LMBR1: variants seen among roughly 807,000 people sequenced by gnomAD.
LMBR1 encodes limb region 1 protein homolog.
LMBR1 carries 52 observed loss-of-function variants against 73.9 expected under a neutral mutation model. The ratio of observed to expected loss-of-function variants is 0.70; its 90% CI spans 0.56 to 0.89. The LOEUF (loss-of-function observed/expected upper bound fraction) is 0.89. Ranked by LOEUF, LMBR1 falls within the 40% of genes least tolerant of loss-of-function variation. The pLI is 0.00. For missense variants in LMBR1, 539 were observed against 579.8 expected, an observed-to-expected ratio of 0.93 and a Z score of 0.72; for synonymous variants, 215 against 209.4, an observed-to-expected ratio of 1.03 and a Z score of -0.23.
intron 1 of LMBR1, among the ~76,000 whole-genome samples, chr7:156,849,321 A>G (rs756288153): frequency 8.3e-4 from 127 of 152,286 alleles, no homozygotes; most frequent in Admixed American, 1.7e-3. Context: ...CTGAGAACAC[A>G]TGGACATAGG....
intron 8 of LMBR1, among the ~76,000 whole-genome samples, chr7:156,761,050 T>A (rs780640678): frequency 2.6e-5 from 4 of 152,208 alleles, no homozygotes; most frequent in Non-Finnish European, 5.9e-5. Context: ...CTGGAGCAGG[T>A]AAGAGGCCTT....
intron 8 of LMBR1, among the ~76,000 whole-genome samples, chr7:156,757,058 C>T (rs1160884521): frequency 6.6e-6 from 1 of 152,106 alleles, no homozygotes; most frequent in African/African-American, 2.4e-5. Context: ...TCAGGTGATC[C>T]GCCTGCCTCA....
At chr7:156,881,947 C>T (rs190239743) in intron 1 of LMBR1, among the ~76,000 whole-genome samples, 11 of 152,264 alleles carry the variant, frequency 7.2e-5, no homozygotes, top group African/African-American at 2.2e-4. Flanking sequence ...ACAAAACTAC[C>T]GTATGATTCA....
intron 1 of LMBR1, among the ~76,000 whole-genome samples, chr7:156,868,520 G>A (rs1340007608): frequency 6.6e-6 from 1 of 151,762 alleles, no homozygotes; most frequent in East Asian, 1.9e-4. Context: ...CTAAAAATAC[G>A]AAAATTAGTC....
chr7:156,739,163 TTAAG>T (rs1818436217), intron 9 of LMBR1, among the ~76,000 whole-genome samples: 1 of 152,062 alleles, frequency 6.6e-6, no homozygotes, highest in African/African-American at 2.4e-5. Flanking sequence ...CCTCTGGACA[TTAAG>T]TGACCACTGG....
At chr7:156,871,403 A>C (rs1039931234) in intron 1 of LMBR1, among the ~76,000 whole-genome samples, 2 of 152,242 alleles carry the variant, frequency 1.3e-5, no homozygotes, top group African/African-American at 2.4e-5. Flanking sequence ...AAACTCCTTC[A>C]AAAAACTGAG....
At chr7:156,773,844 C>A (rs1341926107) in intron 5 of LMBR1, among the ~76,000 whole-genome samples, 1 of 151,866 alleles carries the variant, frequency 6.6e-6, no homozygotes, top group Non-Finnish European at 1.5e-5. Flanking sequence ...AAACAAAAAT[C>A]GACAAATGGG....
chr7:156,845,514 G>C (rs571157488), intron 1 of LMBR1, among the ~76,000 whole-genome samples: 1 of 152,116 alleles, frequency 6.6e-6, no homozygotes, highest in East Asian at 1.9e-4. Context: ...ATCAATAATA[G>C]TAAACGGGAA....
chr7:156,766,392 C>G (rs6959739), intron 5 of LMBR1, among the ~76,000 whole-genome samples: 34,505 of 151,924 alleles, frequency 0.23, 4,825 homozygotes, highest in African/African-American at 0.4. Context: ...GGTTCAAGGG[C>G]AACTGGCACC....
chr7:156,707,555 AT>A (rs1811225303), intron 15 of LMBR1, among the ~76,000 whole-genome samples: 1 of 152,208 alleles, frequency 6.6e-6, no homozygotes, highest in Non-Finnish European at 1.5e-5. Flanking sequence ...GAGTGTAAGG[AT>A]GGTTCAACAT....
In LMBR1 at chr7:156,719,381, T is replaced by C. The variant is rs574873048; in HGVS notation, c.1225+4731A>G. 5.3e-5 allele frequency among the ~76,000 whole-genome samples: 8 copies of C among 152,264 alleles called. No individual in the cohort carries two copies. In the South Asian group the frequency reaches 1.5e-3, roughly 28 times the overall value. ...CACATTTTCTTAATCCAGTCTATCA[T>C]TGTTGGACATTTGGATTGGTTCCAA... On this transcript the variant is annotated intron_variant, in intron 15 of 16. Transcript: ENST00000353442.
intron 4 of LMBR1, among the ~76,000 whole-genome samples, chr7:156,806,649 G>A (rs1480076717): frequency 8.7e-6 from 1 of 115,530 alleles, no homozygotes; most frequent in Non-Finnish European, 1.6e-5. Flanking sequence ...TCACTCTGTC[G>A]CCCAGGCTGG....
At chr7:156,732,962 G>A (rs757473223) in intron 10 of LMBR1, among the ~76,000 whole-genome samples, 4 of 152,102 alleles carry the variant, frequency 2.6e-5, no homozygotes, top group Non-Finnish European at 5.9e-5. Flanking sequence ...TGGCCAACAT[G>A]GCAAAACCCC....
At position 156,677,896 on chromosome 7, in the gene LMBR1, A is replaced by C. The variant is rs1414009071; in HGVS notation, c.*6182T>G. ...TAAGAGAGCAGAGGGAAACTGAATC[A>C]CAGAACCTCAATTTTCTGTAAGCTG... On this transcript the variant is annotated 3_prime_UTR_variant, in exon 17 of 17. Transcript: ENST00000353442. 6.6e-6 allele frequency: 1 copy of C among 152,270 alleles called. No individual in the cohort carries two copies. The highest frequency in any genetic ancestry group is 1.5e-5 in the Non-Finnish European group (1 of 68,054). The allele number at this position is 152,270 out of a possible 1,614,324, so 9.4% of individuals were successfully genotyped here. A position where few individuals can be genotyped will look rare whatever the true frequency, so the allele number is the denominator to read the frequency against.
At chr7:156,855,027 C>T (rs1303899242) in intron 1 of LMBR1, among the ~76,000 whole-genome samples, 2 of 152,116 alleles carry the variant, frequency 1.3e-5, no homozygotes, top group Non-Finnish European at 2.9e-5. Context: ...TCCGGCTTCC[C>T]ACAAAATACG....
At chr7:156,753,054 T>C (rs1369390100) in intron 9 of LMBR1, among the ~76,000 whole-genome samples, 1 of 151,846 alleles carries the variant, frequency 6.6e-6, no homozygotes, top group Non-Finnish European at 1.5e-5. Flanking sequence ...CTAGAAGAAG[T>C]GAACTGGAAA....
intron 1 of LMBR1, among the ~76,000 whole-genome samples, chr7:156,867,808 T>C (rs1477930171): frequency 1.3e-5 from 2 of 152,120 alleles, no homozygotes; most frequent in African/African-American, 2.4e-5. Context: ...CTACTGAACA[T>C]AGGGTTTGTC....
chr7:156,712,271 T>C (rs909645733), intron 15 of LMBR1, among the ~76,000 whole-genome samples: 3 of 152,070 alleles, frequency 2.0e-5, no homozygotes, highest in African/African-American at 7.2e-5. Flanking sequence ...ATGCTCCACA[T>C]CACTAATCAG....
At chr7:156,783,582 A>G (rs1827528087) in intron 5 of LMBR1, among the ~76,000 whole-genome samples, 1 of 152,262 alleles carries the variant, frequency 6.6e-6, no homozygotes, top group Admixed American at 6.5e-5. Flanking sequence ...TCTTGCTATT[A>G]TAATTGATTT....
Sources: allele counts gnomAD v4.1 joint callset (sites outside exome capture counted in the v4.1 genomes callset), GRCh38; gene constraint gnomAD v4.1.1; transcripts MANE v1.5; gene names NCBI Gene and HGNC (gene_info 2026-07-23, HGNC 2026-07-21).